KIAA0825: variants seen among roughly 807,000 people sequenced by gnomAD.
The protein encoded by KIAA0825 is uncharacterized protein KIAA0825.
Under a neutral mutation model 147.6 loss-of-function variants are expected in KIAA0825, and 119 were observed. The ratio of observed to expected loss-of-function variants is 0.81; its 90% CI spans 0.69 to 0.94. The LOEUF is 0.94. Ranked by LOEUF, KIAA0825 falls within the 40% of genes least tolerant of loss-of-function variation. The pLI is 0.00. For synonymous variants in KIAA0825, 470 were observed against 518.1 expected (o/e 0.91, Z 1.26); for missense variants, 1,381 against 1,472.7 (o/e 0.94, Z 1.02).
At chr5:94,351,912 T>A (rs1463754320) in intron 20 of KIAA0825, among the ~76,000 whole-genome samples, 1 of 152,182 alleles carries the variant, frequency 6.6e-6, no homozygotes, top group African/African-American at 2.4e-5. Context: ...TCTCACCTTA[T>A]ACAAAAATCA....
intron 2 of KIAA0825, among the ~76,000 whole-genome samples, chr5:94,555,999 T>C (rs1776466457): frequency 6.6e-6 from 1 of 152,206 alleles, no homozygotes; most frequent in African/African-American, 2.4e-5. Flanking sequence ...AAAAGGCAGT[T>C]TTGTATTATG....
At chr5:94,463,378 T>C (rs903940161) in intron 11 of KIAA0825, among the ~76,000 whole-genome samples, 1 of 148,766 alleles carries the variant, frequency 6.7e-6, no homozygotes, top group Non-Finnish European at 1.5e-5. Context: ...CTCAAATTTA[T>C]TATATAATAA....
chr5:94,293,127 T>G lies in KIAA0825; in HGVS notation c.3710+91241A>C, dbSNP rs183500658. On this transcript the variant is annotated intron_variant, in intron 20 of 20. Coordinates refer to ENST00000682413, the MANE Select transcript of KIAA0825 (RefSeq NM_001145678.3). ...TCTATCTCCTTCAGTTCTGCTCTGATCTTAGTTACTTCTTTTCTTCTGCTA... is the reference window on the plus strand; with the variant it reads ...TCTATCTCCTTCAGTTCTGCTCTGAGCTTAGTTACTTCTTTTCTTCTGCTA... Among the ~76,000 whole-genome samples, 201 of 152,260 alleles carry G rather than the reference T, an allele frequency of 1.3e-3. 2 individuals are homozygous for G. The highest frequency in any genetic ancestry group is 4.2e-3 in the African/African-American group (174 of 41,568).
At chr5:94,381,489 G>A (rs2150511818) in intron 20 of KIAA0825, among the ~76,000 whole-genome samples, 1 of 152,320 alleles carries the variant, frequency 6.6e-6, no homozygotes, top group African/African-American at 2.4e-5. Context: ...GGTATTGAAA[G>A]TAATCTAGAG....
chr5:94,326,463 C>A (rs1483833475), intron 20 of KIAA0825, among the ~76,000 whole-genome samples: 1 of 152,070 alleles, frequency 6.6e-6, no homozygotes. Flanking sequence ...AAAAGAAAAA[C>A]TATATCGTTT....
chr5:94,396,302 A>G lies in KIAA0825; in HGVS notation c.3095T>C (p.Val1032Ala). Residue 1032 changes from valine to alanine, a missense_variant, in exon 17 of 21, where the codon GTG becomes GCG. Transcript: ENST00000682413. ...ICRIFEDGNTVELLTGASLDR... is the reference protein window; with the variant it reads ...ICRIFEDGNTAELLTGASLDR... The stretch of plus-strand genomic sequence containing the variant: ...AAGAGAGGCACCTGTTAAAAGTTCC[A>G]CAGTGTTTCCGTCCTCAAATATCCG... 6.4e-7 allele frequency: 1 copy of G among 1,550,676 alleles called. No homozygotes were observed. Among genetic ancestry groups the G allele is most frequent in the Non-Finnish European group, 8.7e-7 (1 of 1,146,600 alleles).
At chr5:94,555,234 T>C (rs2152272947) in intron 2 of KIAA0825, among the ~76,000 whole-genome samples, 1 of 152,282 alleles carries the variant, frequency 6.6e-6, no homozygotes, top group East Asian at 1.9e-4. Flanking sequence ...CCCCAATGAC[T>C]ACATAAACAC....
intron 20 of KIAA0825, among the ~76,000 whole-genome samples, chr5:94,280,367 G>T (rs915677077): frequency 7.9e-5 from 12 of 152,032 alleles, no homozygotes; most frequent in African/African-American, 2.9e-4. Context: ...TTAGCCATGA[G>T]GGATCCAGAT....
At chr5:94,269,434 A>G (rs1776878570) in intron 20 of KIAA0825, among the ~76,000 whole-genome samples, 1 of 152,164 alleles carries the variant, frequency 6.6e-6, no homozygotes, top group African/African-American at 2.4e-5. Flanking sequence ...CAATAATAAC[A>G]TTGAATGTAA....
chr5:94,201,075 T>C (rs1186097617), intron 20 of KIAA0825, among the ~76,000 whole-genome samples: 2 of 148,824 alleles, frequency 1.3e-5, no homozygotes, highest in East Asian at 3.9e-4. Context: ...AAAAATACTT[T>C]GTGGAAGCAT....
In KIAA0825 at chr5:94,152,854, AAT is replaced by A. The variant is rs1766642993; in HGVS notation, c.*1151_*1152del. 3 of 10,114 alleles carry A rather than the reference AAT, an allele frequency of 3.0e-4. No individual in the cohort carries two copies. Among genetic ancestry groups the A allele is most frequent in the Non-Finnish European group, 1.9e-4 (1 of 5,180 alleles). 0.6% of individuals were successfully genotyped at this position (10,114 alleles called of 1,614,324 possible). ...AAAAAAAAAAAAAAAAAAAAAAAAA[AAT>A]TATATATATATATATATATATATAT... On this transcript the variant is annotated 3_prime_UTR_variant, in exon 21 of 21. Transcript: ENST00000682413.
chr5:94,480,652 T>C (rs1762396452), intron 6 of KIAA0825, among the ~76,000 whole-genome samples: 1 of 152,080 alleles, frequency 6.6e-6, no homozygotes, highest in South Asian at 2.1e-4. Context: ...AAATACATTA[T>C]GTTTATTCAC....
At chr5:94,461,749 A>G (rs1211978323) in intron 12 of KIAA0825, among the ~76,000 whole-genome samples, 1 of 151,920 alleles carries the variant, frequency 6.6e-6, no homozygotes, top group Non-Finnish European at 1.5e-5. Context: ...TTTACTACCC[A>G]TGAAGATACA....
intron 20 of KIAA0825, among the ~76,000 whole-genome samples, chr5:94,194,773 T>G (rs576781459): frequency 1.3e-5 from 2 of 152,352 alleles, no homozygotes; most frequent in South Asian, 4.1e-4. Flanking sequence ...AAATCTTCTC[T>G]GATTACTTTG....
intron 2 of KIAA0825, among the ~76,000 whole-genome samples, chr5:94,538,269 G>C (rs1772504442): frequency 6.6e-6 from 1 of 152,234 alleles, no homozygotes; most frequent in African/African-American, 2.4e-5. Context: ...GACAGAGTGT[G>C]AGCTATTTTA....
chr5:94,597,355 T>C (rs536559007), intron 1 of KIAA0825, among the ~76,000 whole-genome samples: 2 of 152,076 alleles, frequency 1.3e-5, no homozygotes, highest in African/African-American at 2.4e-5. Flanking sequence ...TAGAAATCAA[T>C]AGCAGAAAGA....
chr5:94,480,610 G>T (rs2151027911), intron 6 of KIAA0825, among the ~76,000 whole-genome samples: 1 of 152,056 alleles, frequency 6.6e-6, no homozygotes, highest in African/African-American at 2.4e-5. Flanking sequence ...TACGGAAAAA[G>T]TTAATTATCT....
Position 94,153,896 on chromosome 5 carries a change from T to C in KIAA0825, c.*111A>G, listed in dbSNP as rs1766789886. ...TTTCAGTACAGAGATTACTCAGTCA[T>C]TGGTTTCATGCTTCACAGCACATAT... On this transcript the variant is annotated 3_prime_UTR_variant, in exon 21 of 21. Transcript: ENST00000682413. The C allele has an allele frequency of 1.5e-6, 1 of 674,104 alleles. No homozygotes were observed. The highest frequency in any genetic ancestry group is 2.6e-6 in the Non-Finnish European group (1 of 381,828). 41.8% of individuals were successfully genotyped at this position (674,104 alleles called of 1,614,324 possible).
At chr5:94,283,585 A>G (rs1054023630) in intron 20 of KIAA0825, among the ~76,000 whole-genome samples, 3 of 152,126 alleles carry the variant, frequency 2.0e-5, no homozygotes, top group African/African-American at 7.2e-5. Context: ...AATAAGACCA[A>G]TGTAGATATA....
Sources: gnomAD v4.1 joint callset for allele counts (sites outside exome capture counted in the v4.1 genomes callset) on GRCh38, gnomAD v4.1.1 for gene constraint, MANE v1.5 for transcripts, NCBI Gene and HGNC (gene_info 2026-07-23, HGNC 2026-07-21) for gene names.